Variants in INSYN2A observed in about 807,000 individuals in gnomAD.
The protein encoded by INSYN2A is family with sequence similarity 196 member A.
Under a neutral mutation model 39.4 loss-of-function variants are expected in INSYN2A, and 17 were observed. The ratio of observed to expected loss-of-function variants is 0.43; its 90% CI spans 0.30 to 0.65. The LOEUF is 0.65. INSYN2A is among the 30% of genes least tolerant of loss of function. The probability of loss-of-function intolerance (pLI) is 0.14; values close to 1 mark genes in which losing one functional copy is unlikely to be tolerated. For synonymous variants in INSYN2A, 255 were observed against 265.7 expected (o/e 0.96, Z 0.39); for missense variants, 595 against 631.2 (o/e 0.94, Z 0.61).
intron 2 of INSYN2A, among the ~76,000 whole-genome samples, chr10:127,192,226 G>C (rs1402603339): frequency 5.9e-5 from 9 of 152,144 alleles, no homozygotes; most frequent in African/African-American, 1.7e-4. Flanking sequence ...GCAATACTTT[G>C]AATAAACAGT....
intron 2 of INSYN2A, among the ~76,000 whole-genome samples, chr10:127,188,095 C>G (rs2056444314): frequency 6.6e-6 from 1 of 152,070 alleles, no homozygotes. Flanking sequence ...AGGTTGAGCC[C>G]CTTCCATTTT....
Position 127,136,239 on chromosome 10 carries a change from C to T in INSYN2A, c.*1598G>A, listed in dbSNP as rs2050685350. 1 of 151,914 alleles carries T rather than the reference C, an allele frequency of 6.6e-6. No individual in the cohort carries two copies. The highest frequency in any genetic ancestry group is 2.1e-4 in the South Asian group (1 of 4,814). 9.4% of individuals were successfully genotyped at this position (151,914 alleles called of 1,614,324 possible). A position where few individuals can be genotyped will look rare whatever the true frequency, so the allele number is the denominator to read the frequency against. On this transcript the variant is annotated 3_prime_UTR_variant, in exon 6 of 6. Transcript: ENST00000522781. ...ACTGATCACTAGGTCCTTGTAGAAT[C>T]AAAACACTTAGAACTAAAACAGATT...
chr10:127,159,172 G>T (rs1042663204), intron 4 of INSYN2A, among the ~76,000 whole-genome samples: 2 of 152,200 alleles, frequency 1.3e-5, no homozygotes, highest in African/African-American at 4.8e-5. Context: ...CTACAAGGTG[G>T]TTTTTGTGGA....
At position 127,175,540 on chromosome 10, in the gene INSYN2A, C is replaced by T; in HGVS notation, c.856G>A (p.Asp286Asn). ...ASQWSLCPADDERRRATHLNG... is the reference protein window; with the variant it reads ...ASQWSLCPADNERRRATHLNG... ...AGATGTGTGGCTCTCCTCCGCTCGTCATCTGCCGGGCAGAGTGACCACTGG... is the reference window on the plus strand; with the variant it reads ...AGATGTGTGGCTCTCCTCCGCTCGTTATCTGCCGGGCAGAGTGACCACTGG... Residue 286 changes from aspartate (D) to asparagine (N), a missense_variant, in exon 4 of 6, where the codon GAC (aspartate) becomes AAC (asparagine). This residue lies in a region of INSYN2A where 478 missense variants were observed against 467.4 expected (regional missense o/e 1.02). Coordinates refer to ENST00000522781, the MANE Select transcript of INSYN2A (RefSeq NM_001039762.3). This position sits in a 1 kb window ranked among gnomAD's most constrained non-coding sequence, Gnocchi z 6.3. 2 of 1,610,940 alleles carry T rather than the reference C, an allele frequency of 1.2e-6. No homozygotes were observed. Among genetic ancestry groups the T allele is most frequent in the South Asian group, 2.2e-5 (2 of 91,068 alleles).
chr10:127,152,020 TA>T (rs777753029), intron 5 of INSYN2A, among the ~76,000 whole-genome samples: 23,385 of 152,178 alleles, frequency 0.15, 2,239 homozygotes, highest in African/African-American at 0.27. Context: ...CATATATATA[TA>T]TATTTTTTTT....
chr10:127,180,618 A>T (rs2055634665), intron 2 of INSYN2A, among the ~76,000 whole-genome samples: 4 of 152,370 alleles, frequency 2.6e-5, no homozygotes, highest in Admixed American at 2.6e-4. Context: ...TTAGTGACGG[A>T]GAACCATCTC....
At chr10:127,158,729 G>C (rs1225904193) in intron 4 of INSYN2A, among the ~76,000 whole-genome samples, 5 of 152,294 alleles carry the variant, frequency 3.3e-5, no homozygotes, top group African/African-American at 9.6e-5. Context: ...GAACTCCTTT[G>C]GGTGCTAATG....
Position 127,175,846 on chromosome 10 carries a change from C to G in INSYN2A, c.550G>C (p.Val184Leu). Residue 184 changes from valine (V) to leucine (L), a missense_variant, in exon 4 of 6, where the codon GTG becomes CTG. Around this residue, in one of 2 missense-constraint regions of INSYN2A, gnomAD observed 478 missense variants for 467.4 expected, o/e 1.02. Coordinates refer to ENST00000522781, the MANE Select transcript of INSYN2A (RefSeq NM_001039762.3). The surrounding 1 kb of genome is among the most constrained non-coding windows in gnomAD (Gnocchi z 6.3). ...CAGTTGACCCCCAAAGGCTGGTCCA[C>G]TGTGTTCATGTGTTGGTTGGAATGG... The part of the protein sequence containing the change: ...VFHSNQHMNT[V>L]DQPLGVNCTE... 6.2e-7 allele frequency: 1 copy of G among 1,614,176 alleles called. No homozygotes were observed. The highest frequency in any genetic ancestry group is 8.5e-7 in the Non-Finnish European group (1 of 1,180,046).
intron 5 of INSYN2A, among the ~76,000 whole-genome samples, chr10:127,146,815 C>T (rs748527221): frequency 7.2e-5 from 11 of 152,136 alleles, no homozygotes; most frequent in East Asian, 1.9e-4. Context: ...AAGTGGGCTC[C>T]GGACAGGCTG....
At chr10:127,170,208 T>G (rs2054438153) in intron 4 of INSYN2A, among the ~76,000 whole-genome samples, 1 of 152,126 alleles carries the variant, frequency 6.6e-6, no homozygotes, top group African/African-American at 2.4e-5. Context: ...GGTGTGTTAC[T>G]TAGGATTTTC....
At position 127,159,954 on chromosome 10, in the gene INSYN2A, C is replaced by T. The variant is rs369730148; in HGVS notation, c.1185-6031G>A. Among the ~76,000 whole-genome samples, 27 of 152,194 alleles carry T rather than the reference C, an allele frequency of 1.8e-4. No individual in the cohort carries two copies. In the South Asian group the frequency reaches 5.4e-3, roughly 30 times the overall value. On this transcript the variant is annotated intron_variant, in intron 4 of 5. Coordinates refer to ENST00000522781, the MANE Select transcript of INSYN2A (RefSeq NM_001039762.3). ...CAGGGAGATCTAAGTCAGCAGGGCCCTGGGTGTTAGGAAGGGTGTTGAGAA... is the reference window on the plus strand; with the variant it reads ...CAGGGAGATCTAAGTCAGCAGGGCCTTGGGTGTTAGGAAGGGTGTTGAGAA...
chr10:127,192,955 T>G (rs2056856319), intron 1 of INSYN2A, among the ~76,000 whole-genome samples: 1 of 152,212 alleles, frequency 6.6e-6, no homozygotes, highest in Non-Finnish European at 1.5e-5. Context: ...ATATATATCA[T>G]AGGTTAGCTC....
At chr10:127,153,337 T>C (rs2052695617) in intron 5 of INSYN2A, among the ~76,000 whole-genome samples, 1 of 152,156 alleles carries the variant, frequency 6.6e-6, no homozygotes, top group Non-Finnish European at 1.5e-5. Context: ...AAACTTCAAA[T>C]TAAAAACCAC....
At position 127,176,352 on chromosome 10, in the gene INSYN2A, T is replaced by C; in HGVS notation, c.44A>G (p.Glu15Gly). The change falls in exon 4 of 6, where the codon GAG becomes GGG. Residue 15 changes from glutamate (E) to glycine (G), a missense_variant. Glu to Gly is a moderately conservative substitution (Grantham distance 98). Around this residue, in one of 2 missense-constraint regions of INSYN2A, gnomAD observed 478 missense variants for 467.4 expected, o/e 1.02. Transcript: ENST00000522781. The surrounding 1 kb of genome is among the most constrained non-coding windows in gnomAD (Gnocchi z 4.4). The part of the protein sequence containing the change: ...DTGKCILTTS[E>G]SEVEPAACLA... Reference sequence around the variant, plus strand: ...GCAGGCGGCGGGTTCCACTTCACTCTCCGACGTTGTGAGTATGCATTTGCC... The same window carrying C: ...GCAGGCGGCGGGTTCCACTTCACTCCCCGACGTTGTGAGTATGCATTTGCC... 6.2e-7 allele frequency: 1 copy of C among 1,613,470 alleles called. No homozygotes were observed. The highest frequency in any genetic ancestry group is 8.5e-7 in the Non-Finnish European group (1 of 1,179,854).
intron 4 of INSYN2A, among the ~76,000 whole-genome samples, chr10:127,169,311 G>A (rs920659086): frequency 1.2e-4 from 19 of 152,104 alleles, no homozygotes; most frequent in Non-Finnish European, 2.2e-4. Flanking sequence ...GGCTGGGCCC[G>A]AATTCCTTTG....
intron 5 of INSYN2A, among the ~76,000 whole-genome samples, chr10:127,151,958 G>T (rs2052533874): frequency 6.6e-6 from 1 of 152,042 alleles, no homozygotes; most frequent in South Asian, 2.1e-4. Context: ...GTGAATTCTG[G>T]ATTTAGAGCT....
chr10:127,176,539 AGGAAAATCACAC>A lies in INSYN2A; in HGVS notation c.-5-151_-5-140del. The A allele has an allele frequency of 1.5e-6, 1 of 685,928 alleles. No homozygotes were observed. Among genetic ancestry groups the A allele is most frequent in the South Asian group, 2.0e-5 (1 of 50,962 alleles). The allele number at this position is 685,928 out of a possible 1,614,324, so 42.5% of individuals were successfully genotyped here. ...GCAGGTGAGGTCGGCCTTTATGTTA[AGGAAAATCACAC>A]GGGCTGAGAGTCGCTGGCAGCACAG... On this transcript the variant is annotated intron_variant, in intron 3 of 5. Coordinates refer to ENST00000522781, the MANE Select transcript of INSYN2A (RefSeq NM_001039762.3). The surrounding 1 kb of genome is among the most constrained non-coding windows in gnomAD (Gnocchi z 4.4).
intron 5 of INSYN2A, among the ~76,000 whole-genome samples, chr10:127,145,259 C>G (rs1003871414): frequency 1.3e-5 from 2 of 152,118 alleles, no homozygotes; most frequent in African/African-American, 4.8e-5. Flanking sequence ...GAGGCAGACC[C>G]AAGTCATTTG....
rs2050688303 is a variant in INSYN2A, at chr10:127,136,259, C to T, written c.*1578G>A. ...AGAATCAAAACACTTAGAACTAAAACAGATTTGCTGTTGAGTCAGGAGGAA... is the reference window on the plus strand; with the variant it reads ...AGAATCAAAACACTTAGAACTAAAATAGATTTGCTGTTGAGTCAGGAGGAA... On this transcript the variant is annotated 3_prime_UTR_variant, in exon 6 of 6. Transcript: ENST00000522781. 1 of 151,894 alleles carries T rather than the reference C, an allele frequency of 6.6e-6. No individual in the cohort carries two copies. The highest frequency in any genetic ancestry group is 1.5e-5 in the Non-Finnish European group (1 of 67,986). 9.4% of individuals were successfully genotyped at this position (151,894 alleles called of 1,614,324 possible).
Sources: allele counts gnomAD v4.1 joint callset (sites outside exome capture counted in the v4.1 genomes callset), GRCh38; gene constraint gnomAD v4.1.1; regional missense constraint gnomAD v4.1.1; non-coding constraint Gnocchi (gnomAD v3.1); transcripts MANE v1.5; gene names NCBI Gene and HGNC (gene_info 2026-07-23, HGNC 2026-07-21).